SH3RF3: variants seen among roughly 807,000 people sequenced by gnomAD.
SH3RF3 encodes SH3 domain containing ring finger 3, also known as E3 ubiquitin-protein ligase SH3RF3.
Under a neutral mutation model 66.3 loss-of-function variants are expected in SH3RF3, and 29 were observed. The observed-to-expected ratio is 0.44, with a 90% CI of 0.33 to 0.60. SH3RF3 has a LOEUF of 0.60. SH3RF3 is among the 20% of genes least tolerant of loss of function. SH3RF3 has a pLI of 0.04. For synonymous variants in SH3RF3, 583 were observed against 532.0 expected (o/e 1.10, Z -1.32); for missense variants, 1,194 against 1,190.9 (o/e 1.00, Z -0.04).
chr2:109,232,813 GA>G (rs1679545113), intron 1 of SH3RF3, among the ~76,000 whole-genome samples: 1 of 152,112 alleles, frequency 6.6e-6, no homozygotes, highest in African/African-American at 2.4e-5. Context: ...TTTTATACTT[GA>G]AAACTAAATT....
chr2:109,399,075 G>A (rs1676235350), intron 4 of SH3RF3, 132 bp downstream of exon 4: 1 of 1,100,510 alleles, frequency 9.1e-7, no homozygotes, highest in South Asian at 1.6e-5. Context: ...GTTGAGTGGG[G>A]TTTGCCCTTT....
chr2:109,419,358 G>T (rs1231708574), intron 4 of SH3RF3, among the ~76,000 whole-genome samples, 181 bp from the exon 5 acceptor site: 1 of 152,194 alleles, frequency 6.6e-6, no homozygotes, highest in East Asian at 1.9e-4. Context: ...CTCAGGGCAG[G>T]GGTCCCGGGC....
intron 8 of SH3RF3, among the ~76,000 whole-genome samples, chr2:109,451,546 C>T (rs1408578796): frequency 2.6e-5 from 4 of 151,052 alleles, no homozygotes; most frequent in African/African-American, 7.3e-5. Context: ...ACGTCCTGTA[C>T]GAATCTACAC....
At chr2:109,394,838 C>T (rs1377234996) in intron 3 of SH3RF3, among the ~76,000 whole-genome samples, 1 of 152,206 alleles carries the variant, frequency 6.6e-6, no homozygotes, top group African/African-American at 2.4e-5. Flanking sequence ...AGCATGGAGG[C>T]CTGTGCGCGA....
chr2:109,248,167 T>A (rs1679966604), intron 1 of SH3RF3, among the ~76,000 whole-genome samples: 1 of 152,234 alleles, frequency 6.6e-6, no homozygotes, highest in Admixed American at 6.5e-5. Context: ...GAGGAGTTTT[T>A]AAAATATATT....
chr2:109,403,218 C>T (rs150361142), intron 4 of SH3RF3, among the ~76,000 whole-genome samples: 5 of 152,342 alleles, frequency 3.3e-5, no homozygotes, highest in East Asian at 3.9e-4. Flanking sequence ...GCCTGAGAGC[C>T]GCGCACTGTC....
Position 109,398,935 on chromosome 2 carries a change from C to G in SH3RF3, c.1291C>G (p.Pro431Ala). ...GDLAHLSCAA[P>A]TQDVSSSAGS... ...CCTTGCTCATCTGTCGTGCGCTGCT[C>G]CCACCCAGGTAACATCCCGCGGGCC... The change falls in exon 4 of 10, where the codon CCC (proline) becomes GCC (alanine). Residue 431 changes from proline (P) to alanine (A), a missense_variant. Physicochemically the swap from Pro to Ala is conservative, Grantham distance 27. Transcript: ENST00000309415. 1.2e-6 allele frequency: 2 copies of G among 1,611,150 alleles called. No individual in the cohort carries two copies. The highest frequency in any genetic ancestry group is 2.2e-5 in the South Asian group (2 of 90,890).
intron 1 of SH3RF3, among the ~76,000 whole-genome samples, chr2:109,232,607 T>G (rs1344925137): frequency 6.6e-6 from 1 of 152,138 alleles, no homozygotes; most frequent in East Asian, 1.9e-4. Context: ...TCTCTGCCCC[T>G]CCTTCTACCC....
chr2:109,398,272 C>G (rs1351597285), intron 3 of SH3RF3, among the ~76,000 whole-genome samples: 1 of 152,160 alleles, frequency 6.6e-6, no homozygotes, highest in Non-Finnish European at 1.5e-5. Flanking sequence ...TCACTGTCTG[C>G]AAGGCGGCAC....
chr2:109,304,207 T>C (rs72939528), intron 1 of SH3RF3, among the ~76,000 whole-genome samples: 4,109 of 152,238 alleles, frequency 0.027, 192 homozygotes, highest in African/African-American at 0.094. Context: ...AACTTACTCA[T>C]CTTGCAGAAC....
intron 1 of SH3RF3, among the ~76,000 whole-genome samples, chr2:109,326,907 C>T (rs538451983): frequency 3.7e-4 from 57 of 152,342 alleles, no homozygotes; most frequent in Non-Finnish European, 6.2e-4. Flanking sequence ...CACACCTGAG[C>T]ACGCTGGCTC....
intron 1 of SH3RF3, among the ~76,000 whole-genome samples, chr2:109,178,112 A>G (rs1407061858): frequency 1.3e-5 from 2 of 152,184 alleles, no homozygotes; most frequent in East Asian, 3.9e-4. Context: ...TTCTATATCC[A>G]TATCAATCTG....
chr2:109,223,887 C>T (rs1201320416), intron 1 of SH3RF3, among the ~76,000 whole-genome samples: 1 of 152,190 alleles, frequency 6.6e-6, no homozygotes, highest in Admixed American at 6.5e-5. Flanking sequence ...GTCCCAGCTA[C>T]TCCGGAGGCT....
chr2:109,402,307 G>A (rs1676337628), intron 4 of SH3RF3, among the ~76,000 whole-genome samples: 1 of 152,282 alleles, frequency 6.6e-6, no homozygotes, highest in Non-Finnish European at 1.5e-5. Flanking sequence ...TGTGACCACA[G>A]TGCTGCAGGG....
intron 1 of SH3RF3, among the ~76,000 whole-genome samples, chr2:109,168,108 T>C (rs1258847362): frequency 2.0e-5 from 3 of 152,252 alleles, no homozygotes; most frequent in Non-Finnish European, 4.4e-5. Flanking sequence ...AGGGCTTTTA[T>C]GATGCGTTGA....
chr2:109,206,320 C>T (rs1348910174), intron 1 of SH3RF3, among the ~76,000 whole-genome samples: 4 of 151,714 alleles, frequency 2.6e-5, no homozygotes, highest in Admixed American at 2.6e-4. Context: ...GAAACCCTGT[C>T]TCTACTAAAA....
chr2:109,439,107 C>G (rs1173246358), intron 7 of SH3RF3, among the ~76,000 whole-genome samples: 2 of 152,170 alleles, frequency 1.3e-5, no homozygotes, highest in Non-Finnish European at 2.9e-5. Context: ...CTGCCAGTCA[C>G]TTCTCCCTCT....
chr2:109,202,246 A>G (rs1029236558), intron 1 of SH3RF3, among the ~76,000 whole-genome samples: 1 of 151,838 alleles, frequency 6.6e-6, no homozygotes, highest in African/African-American at 2.4e-5. Context: ...TGCGGCCCCC[A>G]CCTTGCCTCC....
At chr2:109,235,265 G>A (rs1345786528) in intron 1 of SH3RF3, among the ~76,000 whole-genome samples, 1 of 152,160 alleles carries the variant, frequency 6.6e-6, no homozygotes, top group Non-Finnish European at 1.5e-5. Context: ...GGACTGGTTG[G>A]TGGGCCAAGA....
Sources: allele counts gnomAD v4.1 joint callset (sites outside exome capture counted in the v4.1 genomes callset), GRCh38; gene constraint gnomAD v4.1.1; transcripts MANE v1.5; gene names NCBI Gene and HGNC (gene_info 2026-07-23, HGNC 2026-07-21).